Variants in NRXN3 observed in about 807,000 individuals in gnomAD.
NRXN3 encodes the protein neurexin III.
A neutral mutation model predicts 137.6 loss-of-function variants in NRXN3; 32 were observed. That is an observed-to-expected ratio of 0.23 (90% CI 0.18 to 0.31). The LOEUF is 0.31. Among genes scored for constraint, NRXN3 ranks in the 10% least tolerant of loss-of-function variants. The pLI, the probability that NRXN3 is intolerant of heterozygous loss-of-function variation, is 1.00. For missense variants in NRXN3, 1,574 were observed against 2,062.5 expected (o/e 0.76, Z 4.59); for synonymous variants, 798 against 784.5 (o/e 1.02, Z -0.29).
chr14:79,042,321 C>T (rs774123265), intron 15 of NRXN3, among the ~76,000 whole-genome samples: 2 of 152,172 alleles, frequency 1.3e-5, no homozygotes, highest in African/African-American at 4.8e-5. Flanking sequence ...AAGCTTGAGC[C>T]AGGTTCTGGA....
chr14:79,770,197 T>C (rs1355842430), intron 19 of NRXN3, among the ~76,000 whole-genome samples: 11 of 152,026 alleles, frequency 7.2e-5, no homozygotes, highest in Admixed American at 3.9e-4. Context: ...ACCCCACTGT[T>C]AACATTAGAC....
In NRXN3 at chr14:79,866,426, G is replaced by C. The variant is rs2099418101; in HGVS notation, c.*4462G>C. 6.6e-6 allele frequency: 1 copy of C among 152,188 alleles called. No homozygotes were observed. The highest frequency in any genetic ancestry group is 2.4e-5 in the African/African-American group (1 of 41,452). The allele number at this position is 152,188 out of a possible 1,614,324, so 9.4% of individuals were successfully genotyped here. On this transcript the variant is annotated 3_prime_UTR_variant, in exon 21 of 21. Coordinates refer to ENST00000335750, the MANE Select transcript of NRXN3 (RefSeq NM_001330195.2). ...AAATTATGTAAGGGAAGGCTTCATA[G>C]AAGGGGTGACATTTTGGTAAACCTT...
In NRXN3 at chr14:78,381,113, C is replaced by A. The variant is rs550443221; in HGVS notation, c.757+83253C>A. Among the ~76,000 whole-genome samples the A allele has an allele frequency of 7.2e-5, 11 of 152,180 alleles. No individual in the cohort carries two copies. In the South Asian group the frequency reaches 1.7e-3, roughly 23 times the overall value. ...GCATATCCACTGGCAAAAAAATGAACCTCAACCTAAGTATCACTACTTATT... is the reference window on the plus strand; with the variant it reads ...GCATATCCACTGGCAAAAAAATGAAACTCAACCTAAGTATCACTACTTATT... On this transcript the variant is annotated intron_variant, in intron 4 of 20. Coordinates refer to ENST00000335750, the MANE Select transcript of NRXN3 (RefSeq NM_001330195.2).
intron 4 of NRXN3, among the ~76,000 whole-genome samples, chr14:78,634,143 C>T (rs1298652070): frequency 6.6e-6 from 1 of 152,268 alleles, no homozygotes; most frequent in African/African-American, 2.4e-5. Context: ...TGCTGTGGAA[C>T]TACCCCATCA....
intron 10 of NRXN3, among the ~76,000 whole-genome samples, chr14:78,842,072 T>A (rs910554991): frequency 6.6e-6 from 1 of 152,150 alleles, no homozygotes; most frequent in Non-Finnish European, 1.5e-5. Flanking sequence ...TTCTACAGAT[T>A]TCACTTTTCA....
At chr14:78,467,871 A>C (rs1404089950) in intron 4 of NRXN3, among the ~76,000 whole-genome samples, 2 of 151,804 alleles carry the variant, frequency 1.3e-5, no homozygotes. Context: ...ATGGTTCTAC[A>C]CCTCCTATTT....
intron 8 of NRXN3, among the ~76,000 whole-genome samples, chr14:78,796,316 C>T (rs111583789): frequency 5.9e-5 from 9 of 152,278 alleles, no homozygotes; most frequent in African/African-American, 1.4e-4. Flanking sequence ...TAGTGTCACT[C>T]GGGTGGAAGT....
chr14:79,404,009 C>A (rs952080805), intron 15 of NRXN3, among the ~76,000 whole-genome samples: 5 of 152,152 alleles, frequency 3.3e-5, no homozygotes, highest in Admixed American at 6.5e-5. Flanking sequence ...AATAGGAAGA[C>A]AATCTAGGCA....
chr14:78,690,513 T>A (rs1333129005), intron 6 of NRXN3, among the ~76,000 whole-genome samples: 1 of 152,196 alleles, frequency 6.6e-6, no homozygotes, highest in Non-Finnish European at 1.5e-5. Context: ...AATTGTAAGC[T>A]CCTTAAGGTC....
chr14:78,638,135 C>G (rs1313808973), intron 4 of NRXN3, among the ~76,000 whole-genome samples: 1 of 152,146 alleles, frequency 6.6e-6, no homozygotes, highest in Admixed American at 6.5e-5. Flanking sequence ...TCATCACTTT[C>G]AAGAAGCATC....
chr14:79,184,578 C>G (rs1424075738), intron 15 of NRXN3, among the ~76,000 whole-genome samples: 1 of 152,196 alleles, frequency 6.6e-6, no homozygotes, highest in African/African-American at 2.4e-5. Context: ...TCTCCCTCCC[C>G]TGCCCCCATG....
At chr14:78,314,572 T>C (rs73312546) in intron 4 of NRXN3, among the ~76,000 whole-genome samples, 9,909 of 152,202 alleles carry the variant, frequency 0.065, 761 homozygotes, top group African/African-American at 0.18. Context: ...GTGTGCATCA[T>C]CTATGATTGG....
chr14:79,691,206 A>G lies in NRXN3; in HGVS notation c.3617-967A>G, dbSNP rs556300130. Among the ~76,000 whole-genome samples the G allele has an allele frequency of 1.3e-4, 20 of 152,106 alleles. 1 individual carries two copies. In the South Asian group the frequency reaches 4.1e-3, roughly 32 times the overall value. ...GTGTTAATAACAGTTACGAAGGAAG[A>G]GGGGGGGCATACTGGCAGTTAAAAC... On this transcript the variant is annotated intron_variant, in intron 17 of 20. Transcript: ENST00000335750.
At chr14:78,752,411 T>C (rs566546213) in intron 8 of NRXN3, among the ~76,000 whole-genome samples, 2 of 152,312 alleles carry the variant, frequency 1.3e-5, no homozygotes, top group South Asian at 4.1e-4. Flanking sequence ...TGAGATTCTG[T>C]CTTTTAAAAA....
At chr14:78,383,014 A>G (rs1479125096) in intron 4 of NRXN3, among the ~76,000 whole-genome samples, 1 of 152,136 alleles carries the variant, frequency 6.6e-6, no homozygotes, top group African/African-American at 2.4e-5. Context: ...CTGGGCCAAG[A>G]GCAAATGAGC....
At chr14:78,317,942 G>T (rs546938048) in intron 4 of NRXN3, among the ~76,000 whole-genome samples, 2 of 152,252 alleles carry the variant, frequency 1.3e-5, no homozygotes, top group South Asian at 2.1e-4. Context: ...TTGGATTTAG[G>T]GGGAGGCTGG....
intron 20 of NRXN3, among the ~76,000 whole-genome samples, chr14:79,844,640 G>C (rs2099363250): frequency 6.6e-6 from 1 of 152,040 alleles, no homozygotes; most frequent in African/African-American, 2.4e-5. Context: ...TCTCAACAAT[G>C]GACTTAAAAT....
rs561121256 is a variant in NRXN3 at position 78,261,151 on chromosome 14, C to A, written c.709+17349C>A. ...CTCTCTCTCTCACCCCCTATTCAAT[C>A]TGGCATTGAATGGGGGCGGGGGGGC... On this transcript the variant is annotated intron_variant, in intron 2 of 20. Transcript: ENST00000335750. Among the ~76,000 whole-genome samples the A allele has an allele frequency of 7.2e-5, 11 of 152,318 alleles. No homozygotes were observed. In the South Asian group the frequency reaches 1.2e-3, roughly 17 times the overall value.
chr14:79,100,838 G>T (rs1019304077), intron 15 of NRXN3, among the ~76,000 whole-genome samples: 1 of 152,036 alleles, frequency 6.6e-6, no homozygotes, highest in Non-Finnish European at 1.5e-5. Flanking sequence ...ATGTGTTTCC[G>T]GTACTTCTGG....
Sources: allele counts gnomAD v4.1 joint callset (sites outside exome capture counted in the v4.1 genomes callset), GRCh38; gene constraint gnomAD v4.1.1; transcripts MANE v1.5; gene names NCBI Gene and HGNC (gene_info 2026-07-23, HGNC 2026-07-21).